RBFOX1: variants seen among roughly 807,000 people sequenced by gnomAD.
RBFOX1 encodes the protein RNA binding protein fox-1 homolog 1.
RBFOX1 carries 8 observed loss-of-function variants against 57.7 expected under a neutral mutation model. The ratio of observed to expected loss-of-function variants is 0.14; its 90% CI spans 0.08 to 0.25. RBFOX1 has a LOEUF of 0.25. RBFOX1 is among the 10% of genes least tolerant of loss of function. The pLI is 1.00. For synonymous variants in RBFOX1, 326 were observed against 222.4 expected (o/e 1.47, Z -4.15); for missense variants, 611 against 548.5 (o/e 1.11, Z -1.14).
At chr16:7,498,342 A>T (rs2069398151) in intron 4 of RBFOX1, among the ~76,000 whole-genome samples, 1 of 152,158 alleles carries the variant, frequency 6.6e-6, no homozygotes, top group Admixed American at 6.6e-5. Context: ...CTAATGGTGT[A>T]CATGGGTCTC....
chr16:7,356,462 A>G (rs1338995750), intron 4 of RBFOX1, among the ~76,000 whole-genome samples: 4 of 152,122 alleles, frequency 2.6e-5, no homozygotes, highest in Admixed American at 6.5e-5. Flanking sequence ...AGAGTGTTCA[A>G]AAGAAGCCAG....
Position 7,097,459 on chromosome 16 carries a change from C to T in RBFOX1, c.27+45361C>T, listed in dbSNP as rs537319668. Among the ~76,000 whole-genome samples the T allele has an allele frequency of 3.3e-5, 5 of 152,256 alleles. No individual in the cohort carries two copies. In the South Asian group the frequency reaches 1.0e-3, roughly 32 times the overall value. On this transcript the variant is annotated intron_variant, in intron 4 of 15. Coordinates refer to ENST00000550418, the MANE Select transcript of RBFOX1 (RefSeq NM_018723.4). The stretch of plus-strand genomic sequence containing the variant: ...TAAAGCAGGGAAAGAGAGAAGAACC[C>T]TACAGAGGAGGACAGTAAGAGAGTG...
rs1491558284 is a variant in RBFOX1, at chr16:7,062,892, C to CTTTTTTTTTTTTTTTTTTTTTT, written c.27+10794_27+10795insTTTTTTTTTTTTTTTTTTTTTT. 1.0e-4 allele frequency among the ~76,000 whole-genome samples: 6 copies of CTTTTTTTTTTTTTTTTTTTTTT among 59,932 alleles called. 2 individuals carry two copies. Among genetic ancestry groups the CTTTTTTTTTTTTTTTTTTTTTT allele is most frequent in the African/African-American group, 1.6e-4 (3 of 18,506 alleles). The allele number at this position is 59,932 out of a possible 152,430, so 39.3% of individuals were successfully genotyped here. On this transcript the variant is annotated intron_variant, in intron 4 of 15. Transcript: ENST00000550418. ...TACCTCATCTCATTCAAATGATCGC[C>CTTTTTTTTTTTTTTTTTTTTTT]ATTTTTTTTTTTTTTTTTTTTTTTT... is the stretch of plus-strand genomic sequence containing the variant.
At chr16:5,403,788 A>G (rs1039358887) in intron 1 of RBFOX1, among the ~76,000 whole-genome samples, 3 of 152,062 alleles carry the variant, frequency 2.0e-5, no homozygotes, top group African/African-American at 4.8e-5. Context: ...GAAAGGAAAA[A>G]TCCCCACTGC....
chr16:7,046,752 C>T (rs537655752), intron 3 of RBFOX1, among the ~76,000 whole-genome samples: 8 of 151,642 alleles, frequency 5.3e-5, no homozygotes, highest in East Asian at 1.9e-4. Context: ...ATTACAAGCA[C>T]GCGCCATCAT....
intron 3 of RBFOX1, among the ~76,000 whole-genome samples, chr16:6,957,218 G>T (rs1242683583): frequency 6.7e-6 from 1 of 149,368 alleles, no homozygotes; most frequent in African/African-American, 2.5e-5. Flanking sequence ...TGCAAGCTCC[G>T]CCTCCCGGGT....
chr16:6,828,345 GA>G (rs1426680913), intron 3 of RBFOX1, among the ~76,000 whole-genome samples: 2 of 151,944 alleles, frequency 1.3e-5, no homozygotes, highest in Non-Finnish European at 2.9e-5. Context: ...CCAACATGAT[GA>G]AACCCCATCT....
chr16:7,589,912 G>GGTGTGTGTGTGTGTGTGTGTGT (rs3029164), intron 7 of RBFOX1, among the ~76,000 whole-genome samples: 19 of 135,052 alleles, frequency 1.4e-4, no homozygotes, highest in South Asian at 2.7e-4. Flanking sequence ...GTGTGTGCTG[G>GGTGTGTGTGTGTGTGTGTGTGT]GTGTGTGTGT....
chr16:7,612,319 TCAAAAAAAAA>T (rs1363740461), intron 10 of RBFOX1, among the ~76,000 whole-genome samples: 1 of 28,506 alleles, frequency 3.5e-5, no homozygotes. Flanking sequence ...AGACTCCATC[TCAAAAAAAAA>T]AAAAAAAAAA....
intron 2 of RBFOX1, among the ~76,000 whole-genome samples, chr16:5,495,312 C>A (rs12709136): frequency 0.87 from 132,930 of 152,304 alleles, 58,245 homozygotes; most frequent in African/African-American, 0.95. Flanking sequence ...CAGCGATTCT[C>A]GAATCTTGCC....
intron 1 of RBFOX1, among the ~76,000 whole-genome samples, chr16:5,343,771 T>G (rs1827332548): frequency 6.6e-6 from 1 of 152,228 alleles, no homozygotes; most frequent in African/African-American, 2.4e-5. Flanking sequence ...TTATTTAACT[T>G]AGAACTTTTT....
intron 3 of RBFOX1, among the ~76,000 whole-genome samples, chr16:7,012,424 T>A (rs1303083379): frequency 1.3e-5 from 2 of 152,166 alleles, no homozygotes; most frequent in Non-Finnish European, 2.9e-5. Flanking sequence ...CATGGGTGTG[T>A]CATAGGCAAG....
chr16:5,342,991 G>T (rs1468999921), intron 1 of RBFOX1, among the ~76,000 whole-genome samples: 2 of 152,086 alleles, frequency 1.3e-5, no homozygotes, highest in Non-Finnish European at 2.9e-5. Flanking sequence ...ATCGGTTCAG[G>T]GTTGGGCATA....
At chr16:6,665,961 T>C (rs1319204839) in intron 3 of RBFOX1, among the ~76,000 whole-genome samples, 1 of 152,216 alleles carries the variant, frequency 6.6e-6, no homozygotes, top group East Asian at 1.9e-4. Context: ...TGGTAGGAGG[T>C]AATTGAATCA....
chr16:6,984,929 T>G (rs1466605302), intron 3 of RBFOX1, among the ~76,000 whole-genome samples: 2 of 152,006 alleles, frequency 1.3e-5, no homozygotes, highest in African/African-American at 4.8e-5. Flanking sequence ...GTATGAGACA[T>G]TGCACCCGGT....
chr16:5,579,873 C>G (rs1395530983), intron 2 of RBFOX1, among the ~76,000 whole-genome samples: 2 of 152,016 alleles, frequency 1.3e-5, no homozygotes, highest in African/African-American at 4.8e-5. Flanking sequence ...TATTCTCCTG[C>G]TTCAGCCTCC....
chr16:5,727,298 A>C (rs892486422), intron 3 of RBFOX1, among the ~76,000 whole-genome samples: 1 of 152,136 alleles, frequency 6.6e-6, no homozygotes, highest in Admixed American at 6.5e-5. Flanking sequence ...CAAACAAACA[A>C]ATAAAACCAT....
chr16:5,469,032 T>C (rs2069045035), intron 2 of RBFOX1, among the ~76,000 whole-genome samples: 1 of 152,258 alleles, frequency 6.6e-6, no homozygotes, highest in Non-Finnish European at 1.5e-5. Flanking sequence ...CTCTGCTTTC[T>C]GCAGGACCTG....
Position 7,604,848 on chromosome 16 carries a change from T to C in RBFOX1, c.623-2437T>C, listed in dbSNP as rs146351747. Reference sequence around the variant, plus strand: ...TATATGCAAAAGAAAGTATTTAAGGTAGTAAGGATATTCAAGAAACAAGAC... The same window carrying C: ...TATATGCAAAAGAAAGTATTTAAGGCAGTAAGGATATTCAAGAAACAAGAC... On this transcript the variant is annotated intron_variant, in intron 9 of 15. Transcript: ENST00000550418. Among the ~76,000 whole-genome samples the C allele has an allele frequency of 3.2e-3, 490 of 152,124 alleles. 2 individuals are homozygous for C. Among genetic ancestry groups the C allele is most frequent in the Middle Eastern group, 6.8e-3 (2 of 294 alleles).
Sources: gnomAD v4.1 joint callset for allele counts (sites outside exome capture counted in the v4.1 genomes callset) on GRCh38, gnomAD v4.1.1 for gene constraint, MANE v1.5 for transcripts, NCBI Gene and HGNC (gene_info 2026-07-23, HGNC 2026-07-21) for gene names.